The following SH3BGRL variants were observed in gnomAD, a reference collection of about 807,000 sequenced individuals.
The protein encoded by SH3BGRL is adapter SH3BGRL.
Under a neutral mutation model 9.8 loss-of-function variants are expected in SH3BGRL, and 7 were observed. The ratio of observed to expected loss-of-function variants is 0.72; its 90% CI spans 0.41 to 1.35. The LOEUF (loss-of-function observed/expected upper bound fraction) is 1.35. Ranked by LOEUF, SH3BGRL falls within the 40% of genes most tolerant of loss-of-function variation. The pLI, the probability that SH3BGRL is intolerant of heterozygous loss-of-function variation, is 0.01. For synonymous variants in SH3BGRL, 36 were observed against 29.1 expected, an observed-to-expected ratio of 1.24 and a Z score of -0.76; for missense variants, 73 against 84.4, an observed-to-expected ratio of 0.86 and a Z score of 0.53.
Position 81,202,198 on chromosome X carries a change from A to G in SH3BGRL, c.-3A>G. ...CCAAACAACCGCAGCCGCTGTTCCCAGGATGGTGATCCGTGTATATATTGC... is the reference window on the plus strand; with the variant it reads ...CCAAACAACCGCAGCCGCTGTTCCCGGGATGGTGATCCGTGTATATATTGC... On this transcript the variant is annotated 5_prime_UTR_variant, in exon 1 of 4. Transcript: ENST00000373212. 1 of 1,209,217 alleles carries G rather than the reference A, an allele frequency of 8.3e-7. No homozygotes were observed. Among genetic ancestry groups the G allele is most frequent in the Non-Finnish European group, 1.1e-6 (1 of 894,218 alleles).
chrX:81,255,687 A>C, intron 1 of SH3BGRL: 1 of 112,116 alleles, frequency 8.9e-6, no homozygotes. Context: ...GCCATTAGCA[A>C]TAGGTCAGAC....
At chrX:81,268,885 A>G (rs2075766864) in intron 1 of SH3BGRL, among the ~76,000 whole-genome samples, 1 of 111,699 alleles carries the variant, frequency 9.0e-6, no homozygotes, top group East Asian at 2.8e-4. Context: ...AACTTGCTTT[A>G]TGAATCTGGC....
intron 1 of SH3BGRL, among the ~76,000 whole-genome samples, chrX:81,239,948 A>G (rs2075662581): frequency 8.9e-6 from 1 of 112,278 alleles, no homozygotes; most frequent in African/African-American, 3.2e-5. Flanking sequence ...TGAAGGAGAA[A>G]TATTTTCCCC....
intron 1 of SH3BGRL, among the ~76,000 whole-genome samples, chrX:81,273,934 A>G (rs776992342): frequency 3.2e-4 from 36 of 111,380 alleles, no homozygotes; most frequent in Non-Finnish European, 5.7e-4. Context: ...AATACCCTGA[A>G]TCTCAAAAAT....
At chrX:81,254,059 T>G (rs902801885) in intron 1 of SH3BGRL, among the ~76,000 whole-genome samples, 1 of 111,642 alleles carries the variant, frequency 9.0e-6, no homozygotes, top group African/African-American at 3.3e-5. Flanking sequence ...GGCTTACAAG[T>G]TAGTTTGCAA....
chrX:81,264,168 T>G (rs188490082), intron 1 of SH3BGRL, among the ~76,000 whole-genome samples: 63 of 111,444 alleles, frequency 5.7e-4, no homozygotes, highest in African/African-American at 1.9e-3. Context: ...GGTGTCTTAC[T>G]TAGTTACATA....
chrX:81,278,294 G>A lies in SH3BGRL; in HGVS notation c.232-37G>A, dbSNP rs2075804823. Reference sequence around the variant, plus strand: ...ATTTCCTTTTTTTCTTTTATTGGTTGCATATTGCTAATTCATCTTATCTTC... The same window carrying A: ...ATTTCCTTTTTTTCTTTTATTGGTTACATATTGCTAATTCATCTTATCTTC... On this transcript the variant is annotated intron_variant, in intron 2 of 3. Transcript: ENST00000373212. 5.2e-6 allele frequency: 5 copies of A among 969,008 alleles called. No individual in the cohort carries two copies. In the East Asian group the frequency reaches 1.6e-4, roughly 30 times the overall value. The allele number at this position is 969,008 out of a possible 1,213,427, so 79.9% of individuals were successfully genotyped here.
chrX:81,217,308 G>A (rs987065671), intron 1 of SH3BGRL, among the ~76,000 whole-genome samples: 17 of 108,873 alleles, frequency 1.6e-4, no homozygotes, highest in Non-Finnish European at 2.1e-4. Flanking sequence ...CTTCTGCTGG[G>A]TTTGGGTTTG....
chrX:81,283,890 C>T (rs1459781185), intron 3 of SH3BGRL, among the ~76,000 whole-genome samples: 7 of 111,115 alleles, frequency 6.3e-5, no homozygotes, highest in Non-Finnish European at 1.3e-4. Flanking sequence ...TCACTGTTTG[C>T]TGATGATAGG....
At chrX:81,289,958 C>T (rs1218687969) in intron 3 of SH3BGRL, among the ~76,000 whole-genome samples, 1 of 111,990 alleles carries the variant, frequency 8.9e-6, no homozygotes, top group African/African-American at 3.2e-5. Flanking sequence ...ATATGAGTTG[C>T]AAACAGATGT....
At chrX:81,244,537 T>TGTATGTATTAATATATA (rs2075681909) in intron 1 of SH3BGRL, among the ~76,000 whole-genome samples, 2 of 112,123 alleles carry the variant, frequency 1.8e-5, no homozygotes, top group South Asian at 7.4e-4. Context: ...AAAAACCAGT[T>TGTATGTATTAATATATA]GTATGTATTA....
chrX:81,208,157 G>T (rs763899894), intron 1 of SH3BGRL, among the ~76,000 whole-genome samples: 1 of 110,946 alleles, frequency 9.0e-6, no homozygotes, highest in Non-Finnish European at 1.9e-5. Flanking sequence ...AGCTACTTGG[G>T]AGGCTGAGGC....
chrX:81,295,651 C>T (rs1011365901), intron 3 of SH3BGRL, among the ~76,000 whole-genome samples: 2 of 111,887 alleles, frequency 1.8e-5, no homozygotes, highest in African/African-American at 6.5e-5. Context: ...AACCATCTCT[C>T]TCAAGTGCAA....
intron 1 of SH3BGRL, among the ~76,000 whole-genome samples, chrX:81,240,826 T>C (rs2075666490): frequency 8.9e-6 from 1 of 112,863 alleles, no homozygotes; most frequent in Non-Finnish European, 1.9e-5. Flanking sequence ...GCAGCCTCTG[T>C]GGGGATGCCA....
At position 81,202,180 on chromosome X, in the gene SH3BGRL, AC is replaced by A. The variant is rs2075529766; in HGVS notation, c.-19del. 1 of 1,206,767 alleles carries A rather than the reference AC, an allele frequency of 8.3e-7. No homozygotes were observed. The highest frequency in any genetic ancestry group is 1.8e-5 in the South Asian group (1 of 56,537). On this transcript the variant is annotated 5_prime_UTR_variant, in exon 1 of 4. Coordinates refer to ENST00000373212, the MANE Select transcript of SH3BGRL (RefSeq NM_003022.3). ...CACAGCCCTTTTCAGGACCCAAACA[AC>A]CGCAGCCGCTGTTCCCAGGATGGTG...
At chrX:81,232,752 C>T (rs1381603846) in intron 1 of SH3BGRL, among the ~76,000 whole-genome samples, 1 of 111,209 alleles carries the variant, frequency 9.0e-6, no homozygotes, top group African/African-American at 3.3e-5. Flanking sequence ...GTCTTTCCTT[C>T]TTAAAACATG....
intron 3 of SH3BGRL, among the ~76,000 whole-genome samples, chrX:81,281,652 A>G (rs2075817230): frequency 8.9e-6 from 1 of 112,203 alleles, no homozygotes; most frequent in Non-Finnish European, 1.9e-5. Context: ...CCACCACTAC[A>G]GGAGCTCTAA....
intron 1 of SH3BGRL, among the ~76,000 whole-genome samples, chrX:81,264,391 CCT>C (rs2075749871): frequency 9.0e-6 from 1 of 111,507 alleles, no homozygotes; most frequent in South Asian, 3.8e-4. Context: ...TCTCTGAGCC[CCT>C]GTTTCCTTTG....
At chrX:81,218,372 G>A (rs746602530) in intron 1 of SH3BGRL, among the ~76,000 whole-genome samples, 4 of 109,939 alleles carry the variant, frequency 3.6e-5, no homozygotes, top group Admixed American at 2.0e-4. Context: ...CTATTTTGGT[G>A]TATTTCAAAG....
Sources: allele counts gnomAD v4.1 joint callset (sites outside exome capture counted in the v4.1 genomes callset), GRCh38; gene constraint gnomAD v4.1.1; transcripts MANE v1.5; gene names NCBI Gene and HGNC (gene_info 2026-07-23, HGNC 2026-07-21).